Variants in PDE7A observed in about 807,000 individuals in gnomAD.
The protein encoded by PDE7A is high affinity 3',5'-cyclic-AMP phosphodiesterase 7A.
PDE7A carries 39 observed loss-of-function variants against 64.3 expected under a neutral mutation model. The ratio of observed to expected loss-of-function variants is 0.61; its 90% CI spans 0.47 to 0.79. The LOEUF (loss-of-function observed/expected upper bound fraction) is 0.79, where lower values mean the gene tolerates loss of function less well. Ranked by LOEUF, PDE7A falls within the 30% of genes least tolerant of loss-of-function variation. The pLI is 0.00. For missense variants in PDE7A, 470 were observed against 582.8 expected, an observed-to-expected ratio of 0.81 and a Z score of 1.99; for synonymous variants, 203 against 206.8, an observed-to-expected ratio of 0.98 and a Z score of 0.16.
chr8:65,750,476 G>GTGTA (rs1456677297), intron 3 of PDE7A, among the ~76,000 whole-genome samples: 19 of 122,728 alleles, frequency 1.5e-4, no homozygotes, highest in Non-Finnish European at 2.9e-4. Context: ...TAGAATCACT[G>GTGTA]TGTGTGTGTG....
At chr8:65,793,482 C>A (rs1809754831) in intron 1 of PDE7A, among the ~76,000 whole-genome samples, 3 of 104,810 alleles carry the variant, frequency 2.9e-5, no homozygotes. Flanking sequence ...TTTAAAGTTT[C>A]CTAAAAAAAA....
chr8:65,796,250 G>A (rs540772242), intron 1 of PDE7A, among the ~76,000 whole-genome samples: 1 of 151,790 alleles, frequency 6.6e-6, no homozygotes, highest in African/African-American at 2.4e-5. Context: ...CAATAATGAT[G>A]AAATATTTTT....
chr8:65,757,423 CA>C (rs1249962575), intron 3 of PDE7A, among the ~76,000 whole-genome samples: 1 of 152,104 alleles, frequency 6.6e-6, no homozygotes, highest in Non-Finnish European at 1.5e-5. Flanking sequence ...ATAACTAGTC[CA>C]GTCCATCATA....
intron 1 of PDE7A, among the ~76,000 whole-genome samples, chr8:65,814,466 C>T (rs1810337649): frequency 7.0e-6 from 1 of 143,454 alleles, no homozygotes. Context: ...AGCCGAGATC[C>T]CGCCACTGCA....
chr8:65,756,376 A>C (rs146494279), intron 3 of PDE7A, among the ~76,000 whole-genome samples: 2,336 of 152,092 alleles, frequency 0.015, 16 homozygotes, highest in Non-Finnish European at 0.025. Context: ...CCAGTGATTC[A>C]TGTATTGGTA....
chr8:65,775,726 C>A (rs549400966), intron 3 of PDE7A, among the ~76,000 whole-genome samples: 1 of 152,212 alleles, frequency 6.6e-6, no homozygotes, highest in East Asian at 1.9e-4. Flanking sequence ...CTCCCAGGTT[C>A]GAGTGATTCT....
Position 65,716,265 on chromosome 8 carries a change from T to TC in PDE7A, c.*3024dup, listed in dbSNP as rs1301441130. On this transcript the variant is annotated 3_prime_UTR_variant, in exon 13 of 13. Coordinates refer to ENST00000401827, the MANE Select transcript of PDE7A (RefSeq NM_001242318.3). ...AGGAAATGGGAGCCACACCCACAGT[T>TC]CCCCTGAGAATGTGGAAATAGGATG... Among the ~76,000 whole-genome samples the TC allele has an allele frequency of 1.3e-5, 2 of 152,032 alleles. No homozygotes were observed. Among genetic ancestry groups the TC allele is most frequent in the Non-Finnish European group, 2.9e-5 (2 of 67,996 alleles).
In PDE7A at chr8:65,815,272, T is replaced by C. The variant is rs114214312; in HGVS notation, c.138+26099A>G. On this transcript the variant is annotated intron_variant, in intron 1 of 12. Transcript: ENST00000401827. ...ACTAAGCCCTAACTTATAAGAGCCATTAAATTTAGAAATCTCAAATACTAA... is the reference window on the plus strand; with the variant it reads ...ACTAAGCCCTAACTTATAAGAGCCACTAAATTTAGAAATCTCAAATACTAA... 9.4e-3 allele frequency among the ~76,000 whole-genome samples: 1,424 copies of C among 152,262 alleles called. 9 individuals are homozygous for C. Among genetic ancestry groups the C allele is most frequent in the East Asian group, 0.045 (233 of 5,192 alleles).
Position 65,841,546 on chromosome 8 carries a change from T to G in PDE7A, c.-38A>C, listed in dbSNP as rs1485461793. 6.1e-5 allele frequency: 82 copies of G among 1,354,064 alleles called. No homozygotes were observed. Among genetic ancestry groups the G allele is most frequent in the Non-Finnish European group, 7.7e-5 (81 of 1,047,158 alleles). The allele number at this position is 1,354,064 out of a possible 1,614,324, so 83.9% of individuals were successfully genotyped here. A position where few individuals can be genotyped will look rare whatever the true frequency, so the allele number is the denominator to read the frequency against. On this transcript the variant is annotated 5_prime_UTR_variant, in exon 1 of 13. Transcript: ENST00000401827. ...CCCTGCCTCCGCGCGGCGCCCGCCCTGCCGCGGCCGCCGGCCCCTGCAGTG... is the reference window on the plus strand; with the variant it reads ...CCCTGCCTCCGCGCGGCGCCCGCCCGGCCGCGGCCGCCGGCCCCTGCAGTG...
chr8:65,765,316 C>T (rs1472612833), intron 3 of PDE7A, among the ~76,000 whole-genome samples: 2 of 150,542 alleles, frequency 1.3e-5, no homozygotes, highest in African/African-American at 2.4e-5. Context: ...GGTGAAACCC[C>T]GTCTCTACTA....
At chr8:65,733,263 C>T (rs1023771162) in intron 7 of PDE7A, among the ~76,000 whole-genome samples, 1 of 152,188 alleles carries the variant, frequency 6.6e-6, no homozygotes, top group African/African-American at 2.4e-5. Flanking sequence ...TTTCCCTGCC[C>T]CTGGCTTGGG....
At chr8:65,798,201 TA>T (rs1340419499) in intron 1 of PDE7A, among the ~76,000 whole-genome samples, 482 of 23,666 alleles carry the variant, frequency 0.02, 13 homozygotes, top group Admixed American at 0.12. Flanking sequence ...TATATATATA[TA>T]TATATTTTTT....
At position 65,727,148 on chromosome 8, in the gene PDE7A, TTGA is replaced by T. The variant is rs970506813; in HGVS notation, c.828+19_828+21del. ...TTCTAGAATGCAAAAATAATAAATC[TTGA>T]TGATAAAATTGCACTAACCTTGTAT... On this transcript the variant is annotated intron_variant, in intron 8 of 12. Coordinates refer to ENST00000401827, the MANE Select transcript of PDE7A (RefSeq NM_001242318.3). The T allele has an allele frequency of 1.9e-5, 26 of 1,357,670 alleles. No individual in the cohort carries two copies. The highest frequency in any genetic ancestry group is 2.7e-5 in the Non-Finnish European group (26 of 956,590). 84.1% of individuals were successfully genotyped at this position (1,357,670 alleles called of 1,614,324 possible).
At chr8:65,832,382 T>G (rs938638031) in intron 1 of PDE7A, among the ~76,000 whole-genome samples, 2 of 152,156 alleles carry the variant, frequency 1.3e-5, no homozygotes, top group South Asian at 4.1e-4. Flanking sequence ...ATGAATAAAC[T>G]TGAAGATTAA....
In PDE7A at chr8:65,724,763, A is replaced by G. The variant is rs1163914082; in HGVS notation, c.1065+14T>C. 6.3e-7 allele frequency: 1 copy of G among 1,595,336 alleles called. No homozygotes were observed. The highest frequency in any genetic ancestry group is 1.8e-5 in the Admixed American group (1 of 56,914). On this transcript the variant is annotated intron_variant, in intron 10 of 12. Coordinates refer to ENST00000401827, the MANE Select transcript of PDE7A (RefSeq NM_001242318.3). ...TTTATCCTAGAAATAGAATGTTTCCAAGCCCCATTTTACCTGTAAAACCAA... is the reference window on the plus strand; with the variant it reads ...TTTATCCTAGAAATAGAATGTTTCCGAGCCCCATTTTACCTGTAAAACCAA...
intron 1 of PDE7A, among the ~76,000 whole-genome samples, chr8:65,797,485 G>C (rs371924648): frequency 1.3e-5 from 2 of 152,114 alleles, no homozygotes; most frequent in Non-Finnish European, 2.9e-5. Flanking sequence ...GCCTCCGGGG[G>C]GCAAGGCCTT....
intron 1 of PDE7A, among the ~76,000 whole-genome samples, chr8:65,788,151 TTCTC>T (rs1809610383): frequency 6.6e-6 from 1 of 152,126 alleles, no homozygotes; most frequent in Admixed American, 6.5e-5. Context: ...AAAATTCAGT[TTCTC>T]AATCTAGAAA....
intron 1 of PDE7A, among the ~76,000 whole-genome samples, chr8:65,783,357 T>C (rs1234452543): frequency 6.6e-6 from 1 of 152,190 alleles, no homozygotes; most frequent in Admixed American, 6.5e-5. Context: ...GAGTCATCTG[T>C]GACCTGCCTG....
At chr8:65,838,047 AAAT>A (rs1810992107) in intron 1 of PDE7A, among the ~76,000 whole-genome samples, 1 of 152,196 alleles carries the variant, frequency 6.6e-6, no homozygotes, top group Non-Finnish European at 1.5e-5. Flanking sequence ...AAAAAAAGAC[AAAT>A]GATAACTTAG....
Sources: allele counts gnomAD v4.1 joint callset (sites outside exome capture counted in the v4.1 genomes callset), GRCh38; gene constraint gnomAD v4.1.1; transcripts MANE v1.5; gene names NCBI Gene and HGNC (gene_info 2026-07-23, HGNC 2026-07-21).